The following FSD1L variants were observed in gnomAD, a reference collection of about 807,000 sequenced individuals.
FSD1L encodes fibronectin type III and SPRY domain containing 1 like, also known as FSD1-like protein.
In FSD1L, 45 loss-of-function variants were observed where a neutral mutation model predicts 71.6. The ratio of observed to expected loss-of-function variants is 0.63; its 90% CI spans 0.49 to 0.81. The LOEUF (loss-of-function observed/expected upper bound fraction) is 0.81, where lower values mean the gene tolerates loss of function less well. Among genes scored for constraint, FSD1L ranks in the 30% least tolerant of loss-of-function variants. FSD1L has a pLI of 0.00. For synonymous variants in FSD1L, 197 were observed against 207.2 expected, an observed-to-expected ratio of 0.95 and a Z score of 0.42; for missense variants, 561 against 618.1, an observed-to-expected ratio of 0.91 and a Z score of 0.98.
At chr9:105,452,711 C>T (rs1049890954) in intron 1 of FSD1L, among the ~76,000 whole-genome samples, 5 of 149,030 alleles carry the variant, frequency 3.4e-5, no homozygotes, top group South Asian at 4.3e-4. Context: ...TCCTTCCTTC[C>T]TTCCTTCTTT....
chr9:105,506,362 GGAAT>G, intron 7 of FSD1L, 33 bp from the exon 8 acceptor site: 3 of 1,399,608 alleles, frequency 2.1e-6, no homozygotes, highest in Non-Finnish European at 2.9e-6. Flanking sequence ...TAATAAATGA[GGAAT>G]GAATGAGTCT....
At chr9:105,484,649 T>A in intron 7 of FSD1L, 147 bp downstream of exon 7, 1 of 461,034 alleles carries the variant, frequency 2.2e-6, no homozygotes, top group East Asian at 4.1e-5. Flanking sequence ...AATTTGCTAG[T>A]TTTTTTTTAT....
intron 7 of FSD1L, among the ~76,000 whole-genome samples, chr9:105,494,829 G>T (rs531741764): frequency 6.6e-6 from 1 of 152,238 alleles, no homozygotes; most frequent in African/African-American, 2.4e-5. Flanking sequence ...TTCGTGAACC[G>T]CAAATGCTGC....
chr9:105,464,373 A>G (rs773986049), intron 3 of FSD1L, 42 bp downstream of exon 3: 30 of 900,108 alleles, frequency 3.3e-5, no homozygotes, highest in East Asian at 1.4e-4. Context: ...ATATGTCACA[A>G]TGAGCCAAAT....
At chr9:105,445,839 C>T (rs1829630311), upstream of FSD1L, among the ~76,000 whole-genome samples, 1 of 152,126 alleles carries the variant, frequency 6.6e-6, no homozygotes, top group Non-Finnish European at 1.5e-5. Context: ...ATAAGAGGCT[C>T]TCTTCCCTTG....
chr9:105,489,903 A>G (rs1336216977), intron 7 of FSD1L, among the ~76,000 whole-genome samples: 1 of 152,196 alleles, frequency 6.6e-6, no homozygotes, highest in Non-Finnish European at 1.5e-5. Flanking sequence ...CCAGTCTATC[A>G]TTGTTGGACA....
chr9:105,541,741 T>C (rs1343436109), intron 13 of FSD1L, among the ~76,000 whole-genome samples: 1 of 152,232 alleles, frequency 6.6e-6, no homozygotes, highest in Admixed American at 6.5e-5. Flanking sequence ...AATCAAGATA[T>C]AGAACATTTC....
At chr9:105,508,547 T>C in intron 8 of FSD1L, 70 bp from the exon 9 acceptor site, 1 of 857,950 alleles carries the variant, frequency 1.2e-6, no homozygotes, top group Non-Finnish European at 1.9e-6. Context: ...GCCTGAAGGC[T>C]CATACTCTTA....
chr9:105,508,500 T>G (rs914862190), intron 8 of FSD1L, 117 bp from the exon 9 acceptor site: 3 of 639,386 alleles, frequency 4.7e-6, no homozygotes, highest in African/African-American at 1.9e-5. Flanking sequence ...TTTAACAAAT[T>G]CATACTCTTC....
At chr9:105,459,033 C>T (rs549654930) in intron 1 of FSD1L, among the ~76,000 whole-genome samples, 3 of 152,178 alleles carry the variant, frequency 2.0e-5, no homozygotes, top group South Asian at 2.1e-4. Context: ...ATATTGCCTA[C>T]CATATCTAGA....
rs567913761 is a variant in FSD1L, at chr9:105,463,858, T to G, written c.112-378T>G. Among the ~76,000 whole-genome samples the G allele has an allele frequency of 2.6e-5, 4 of 152,316 alleles. No individual in the cohort carries two copies. The East Asian group carries it at 7.7e-4, about 29-fold the overall frequency. On this transcript the variant is annotated intron_variant, in intron 2 of 13. Transcript: ENST00000481272. ...TTGATGAATTTGTGTCTCCTCACTT[T>G]TATTCCTCGGTTCCTGATGTTGTAT... is the stretch of plus-strand genomic sequence containing the variant.
chr9:105,504,064 C>A (rs1250829297), intron 7 of FSD1L, among the ~76,000 whole-genome samples: 2 of 152,202 alleles, frequency 1.3e-5, no homozygotes, highest in African/African-American at 2.4e-5. Flanking sequence ...TTATACCAAC[C>A]TCTCAGGACT....
Position 105,552,015 on chromosome 9 carries a change from G to A in FSD1L, c.*5532G>A, listed in dbSNP as rs1335712979. On this transcript the variant is annotated 3_prime_UTR_variant, in exon 14 of 14. Transcript: ENST00000481272. ...AAGCATTTCAAAATCTTGTTAACCT[G>A]GTTATCTCTTGGTATCTCTCCTGAC... 6.6e-6 allele frequency: 1 copy of A among 152,148 alleles called. No homozygotes were observed. Among genetic ancestry groups the A allele is most frequent in the Non-Finnish European group, 1.5e-5 (1 of 68,022 alleles). The allele number at this position is 152,148 out of a possible 1,614,324, so 9.4% of individuals were successfully genotyped here.
chr9:105,461,889 C>T (rs1012801993), intron 2 of FSD1L, among the ~76,000 whole-genome samples: 4 of 151,584 alleles, frequency 2.6e-5, no homozygotes, highest in Non-Finnish European at 5.9e-5. Flanking sequence ...ATGGCTTGAG[C>T]CCAAGAGGTT....
Position 105,511,192 on chromosome 9 carries a change from A to ATT in FSD1L, c.896-1604_896-1603dup, listed in dbSNP as rs199727073. 1.5e-3 allele frequency among the ~76,000 whole-genome samples: 220 copies of ATT among 143,870 alleles called. 2 individuals carry two copies. The highest frequency in any genetic ancestry group is 9.2e-3 in the East Asian group (46 of 5,014). 94.4% of individuals were successfully genotyped at this position (143,870 alleles called of 152,430 possible). The stretch of plus-strand genomic sequence containing the variant: ...TAAGTGGTTTTCAATGGTACTATCT[A>ATT]TTTTTTTTTTTTGCCACCTTTGACA... On this transcript the variant is annotated intron_variant, in intron 9 of 13. Transcript: ENST00000481272.
chr9:105,480,294 C>CCT (rs533423449), intron 6 of FSD1L, among the ~76,000 whole-genome samples: 27 of 140,180 alleles, frequency 1.9e-4, no homozygotes, highest in African/African-American at 6.8e-4. Context: ...CTGGGTTTCT[C>CCT]TTTTTTTTTT....
chr9:105,535,710 T>G (rs1319533246), intron 12 of FSD1L, among the ~76,000 whole-genome samples: 1 of 152,136 alleles, frequency 6.6e-6, no homozygotes, highest in African/African-American at 2.4e-5. Context: ...CCATTTTACA[T>G]GATGTGATTA....
chr9:105,535,242 A>G lies in FSD1L; in HGVS notation c.1302A>G (p.Ala434=). 1.9e-6 allele frequency: 3 copies of G among 1,551,800 alleles called. No homozygotes were observed. The highest frequency in any genetic ancestry group is 2.6e-6 in the Non-Finnish European group (3 of 1,146,932). The change falls in exon 12 of 14, where the codon GCA becomes GCG. Residue 434 remains alanine, a synonymous_variant. Coordinates refer to ENST00000481272, the MANE Select transcript of FSD1L (RefSeq NM_001145313.3). The part of the protein sequence containing the change: ...VNNWLQNTFA[A]KHNNKVKALD... ...ACTGGCTACAAAACACATTTGCAGCAAAGCATAATAATAAAGTCAAAGCTT... is the reference window on the plus strand; with the variant it reads ...ACTGGCTACAAAACACATTTGCAGCGAAGCATAATAATAAAGTCAAAGCTT...
upstream of FSD1L, among the ~76,000 whole-genome samples, chr9:105,443,133 C>T (rs146594480): frequency 2.0e-5 from 3 of 152,338 alleles, no homozygotes; most frequent in Non-Finnish European, 4.4e-5. Flanking sequence ...AGAGCGCCAG[C>T]CCACATCAGG....
Sources: gnomAD v4.1 joint callset for allele counts (sites outside exome capture counted in the v4.1 genomes callset) on GRCh38, gnomAD v4.1.1 for gene constraint, MANE v1.5 for transcripts, NCBI Gene and HGNC (gene_info 2026-07-23, HGNC 2026-07-21) for gene names.